RDX: variants seen among roughly 807,000 people sequenced by gnomAD.
The protein encoded by RDX is radixin, also known as deafness, autosomal recessive 24.
Under a neutral mutation model 83.7 loss-of-function variants are expected in RDX, and 32 were observed. The ratio of observed to expected loss-of-function variants is 0.38; its 90% confidence interval spans 0.29 to 0.51. RDX has a LOEUF of 0.51. Among genes scored for constraint, RDX ranks in the 20% least tolerant of loss-of-function variants. RDX has a pLI of 0.87. For synonymous variants in RDX, 229 were observed against 222.7 expected (o/e 1.03, Z -0.25); for missense variants, 600 against 689.9 (o/e 0.87, Z 1.46).
chr11:110,235,471 C>G (rs1331976787), intron 12 of RDX, among the ~76,000 whole-genome samples: 1 of 152,124 alleles, frequency 6.6e-6, no homozygotes, highest in Non-Finnish European at 1.5e-5. Context: ...GGGTCTTTAT[C>G]TCTTAAGTAT....
chr11:110,290,571 T>C (rs886668348), intron 1 of RDX, among the ~76,000 whole-genome samples: 3 of 152,142 alleles, frequency 2.0e-5, no homozygotes, highest in East Asian at 3.9e-4. Flanking sequence ...TATCTGCCCA[T>C]TAGAGTGAGA....
intron 14 of RDX, among the ~76,000 whole-genome samples, chr11:110,210,755 G>T (rs1401246560): frequency 1.3e-5 from 2 of 151,922 alleles, no homozygotes; most frequent in East Asian, 3.9e-4. Context: ...CATAAGTGAA[G>T]GAGAAATAAA....
intron 12 of RDX, among the ~76,000 whole-genome samples, chr11:110,235,864 G>A (rs1413350941): frequency 6.6e-6 from 1 of 152,102 alleles, no homozygotes; most frequent in East Asian, 1.9e-4. Flanking sequence ...TCAAGACCCA[G>A]CTTAAATGTA....
chr11:110,224,716 C>A (rs967245414), downstream of RDX, among the ~76,000 whole-genome samples: 4 of 152,184 alleles, frequency 2.6e-5, no homozygotes, highest in African/African-American at 9.7e-5. Context: ...GAAGAAAATA[C>A]ATTACCACAA....
intron 15 of RDX, among the ~76,000 whole-genome samples, chr11:110,196,487 A>G (rs926474976): frequency 6.6e-6 from 1 of 152,238 alleles, no homozygotes; most frequent in Non-Finnish European, 1.5e-5. Flanking sequence ...GTTCTGATCC[A>G]GAATTATGAT....
intron 15 of RDX, among the ~76,000 whole-genome samples, chr11:110,198,119 T>G (rs949365593): frequency 6.6e-6 from 1 of 152,284 alleles, no homozygotes; most frequent in South Asian, 2.1e-4. Context: ...AGAACATTGG[T>G]TCTACATCTT....
chr11:110,209,571 C>G (rs1241711189), intron 14 of RDX, among the ~76,000 whole-genome samples: 18 of 151,986 alleles, frequency 1.2e-4, no homozygotes, highest in African/African-American at 3.6e-4. Context: ...GTAACCTCTG[C>G]AGACTTAAAT....
At chr11:110,262,815 T>C (rs1029094842) in intron 5 of RDX, among the ~76,000 whole-genome samples, 29 of 152,192 alleles carry the variant, frequency 1.9e-4, no homozygotes, top group African/African-American at 6.5e-4. Flanking sequence ...AGGTCACATA[T>C]ATAGCAAAGG....
chr11:110,277,790 G>A (rs1230303582), intron 2 of RDX, among the ~76,000 whole-genome samples: 1 of 151,926 alleles, frequency 6.6e-6, no homozygotes, highest in Non-Finnish European at 1.5e-5. Flanking sequence ...TCTTTCAAGA[G>A]CAAAAGTTTT....
chr11:110,179,762 A>T, intron 15 of RDX: 3 of 314,388 alleles, frequency 9.5e-6, no homozygotes, highest in South Asian at 3.0e-5. Flanking sequence ...ACAGAGCAAG[A>T]TTCTGTCTAA....
At chr11:110,215,375 AATAAAT>A (rs1864008252) in intron 14 of RDX, among the ~76,000 whole-genome samples, 9 of 54,182 alleles carry the variant, frequency 1.7e-4, no homozygotes, top group Admixed American at 4.9e-4. Flanking sequence ...AAAATAAATA[AATAAAT>A]AAATAAATAA....
At chr11:110,177,970 C>G (rs986833248) in intron 15 of RDX, among the ~76,000 whole-genome samples, 1 of 152,102 alleles carries the variant, frequency 6.6e-6, no homozygotes, top group Non-Finnish European at 1.5e-5. Context: ...CCTCTCTGAT[C>G]AGGCCAGGAT....
At chr11:110,295,816 C>A (rs1391864110) in intron 1 of RDX, among the ~76,000 whole-genome samples, 2 of 152,228 alleles carry the variant, frequency 1.3e-5, no homozygotes, top group Non-Finnish European at 2.9e-5. Flanking sequence ...GCTCCGAGAG[C>A]TGCAACAGCA....
chr11:110,227,859 G>A (rs188703303), downstream of RDX, among the ~76,000 whole-genome samples: 3 of 152,074 alleles, frequency 2.0e-5, no homozygotes, highest in South Asian at 6.2e-4. Context: ...CCTTAGTCAA[G>A]ATCTTTCATG....
intron 14 of RDX, among the ~76,000 whole-genome samples, chr11:110,201,900 ATT>A (rs753215806): frequency 3.7e-5 from 4 of 108,746 alleles, no homozygotes; most frequent in Admixed American, 9.3e-5. Context: ...CATCCGGCTA[ATT>A]TTGTGTGTGT....
intron 15 of RDX, among the ~76,000 whole-genome samples, chr11:110,187,347 T>C (rs1863007470): frequency 6.6e-6 from 1 of 152,164 alleles, no homozygotes; most frequent in South Asian, 2.1e-4. Context: ...GATCACCCCA[T>C]CCTTCCTGTA....
At chr11:110,290,631 T>C (rs1861201626) in intron 1 of RDX, among the ~76,000 whole-genome samples, 1 of 152,224 alleles carries the variant, frequency 6.6e-6, no homozygotes, top group African/African-American at 2.4e-5. Context: ...AAAGAGTATG[T>C]GGCATATAAT....
intron 1 of RDX, among the ~76,000 whole-genome samples, chr11:110,294,738 G>C (rs559404552): frequency 6.6e-6 from 1 of 151,732 alleles, no homozygotes; most frequent in East Asian, 1.9e-4. Context: ...AAAACAAAAG[G>C]ACAGACTCAA....
chr11:110,201,243 C>T (rs949238395), intron 14 of RDX, among the ~76,000 whole-genome samples: 13 of 150,490 alleles, frequency 8.6e-5, no homozygotes, highest in Non-Finnish European at 1.3e-4. Flanking sequence ...TCCATAGTCA[C>T]TAGTAATATT....
Sources: allele counts gnomAD v4.1 joint callset (sites outside exome capture counted in the v4.1 genomes callset), GRCh38; gene constraint gnomAD v4.1.1; transcripts MANE v1.5; gene names NCBI Gene and HGNC (gene_info 2026-07-23, HGNC 2026-07-21).